NELL1: variants seen among roughly 807,000 people sequenced by gnomAD.
NELL1 encodes the protein neural EGFL like 1, also known as protein kinase C-binding protein NELL1.
In NELL1, 76 loss-of-function variants were observed where a neutral mutation model predicts 107.4. That is an observed-to-expected ratio of 0.71 (90% CI 0.59 to 0.86). The LOEUF (loss-of-function observed/expected upper bound fraction) is 0.86, where lower values mean the gene tolerates loss of function less well. Among genes scored for constraint, NELL1 ranks in the 40% least tolerant of loss-of-function variants. NELL1 has a pLI of 0.00. For synonymous variants in NELL1, 353 were observed against 341.2 expected (o/e 1.03, Z -0.38); for missense variants, 1,024 against 1,005.5 (o/e 1.02, Z -0.25).
At chr11:21,099,192 A>AACAC (rs59848133) in intron 12 of NELL1, among the ~76,000 whole-genome samples, 698 of 141,942 alleles carry the variant, frequency 4.9e-3, no homozygotes, top group Non-Finnish European at 6.4e-3. Flanking sequence ...GACACTGAAC[A>AACAC]ACACACACAC....
intron 12 of NELL1, among the ~76,000 whole-genome samples, chr11:21,035,553 T>C (rs1435136106): frequency 6.6e-6 from 1 of 151,866 alleles, no homozygotes; most frequent in Non-Finnish European, 1.5e-5. Context: ...AGTAGGCTTT[T>C]TCCCTCGAAC....
intron 14 of NELL1, among the ~76,000 whole-genome samples, chr11:21,232,083 G>A (rs1232108342): frequency 6.7e-6 from 1 of 149,944 alleles, no homozygotes; most frequent in Non-Finnish European, 1.5e-5. Context: ...TGGATCACCT[G>A]AGGGTCAGGA....
intron 13 of NELL1, among the ~76,000 whole-genome samples, chr11:21,205,507 C>T (rs1263843258): frequency 6.6e-6 from 1 of 152,176 alleles, no homozygotes; most frequent in East Asian, 1.9e-4. Context: ...CTTCAGACCG[C>T]CGTGCTGGCA....
chr11:20,670,710 A>T (rs976228618), intron 1 of NELL1: 5 of 152,252 alleles, frequency 3.3e-5, no homozygotes, highest in African/African-American at 9.6e-5. Context: ...GAGATGTAGG[A>T]AATTGGCAAA....
chr11:21,565,353 A>G (rs1314002045), intron 17 of NELL1, among the ~76,000 whole-genome samples: 1 of 151,866 alleles, frequency 6.6e-6, no homozygotes, highest in Non-Finnish European at 1.5e-5. Context: ...TTGACCTTGC[A>G]GGAGCTTGAA....
chr11:20,693,986 T>C (rs1854545624), intron 2 of NELL1, among the ~76,000 whole-genome samples: 1 of 152,082 alleles, frequency 6.6e-6, no homozygotes, highest in Admixed American at 6.6e-5. Context: ...TGTTCGTTTC[T>C]TTTTATTCTT....
chr11:21,311,522 C>A (rs533293833), intron 14 of NELL1, among the ~76,000 whole-genome samples: 4 of 152,082 alleles, frequency 2.6e-5, no homozygotes, highest in African/African-American at 9.7e-5. Flanking sequence ...ATATTAACAA[C>A]CTGCCACTGT....
At chr11:21,296,379 T>C (rs1429149009) in intron 14 of NELL1, among the ~76,000 whole-genome samples, 1 of 151,978 alleles carries the variant, frequency 6.6e-6, no homozygotes, top group Non-Finnish European at 1.5e-5. Context: ...AAATATTGAA[T>C]GTCATTGTTT....
At chr11:21,306,532 A>G (rs1056742723) in intron 14 of NELL1, among the ~76,000 whole-genome samples, 3 of 152,060 alleles carry the variant, frequency 2.0e-5, no homozygotes, top group African/African-American at 4.8e-5. Flanking sequence ...TAATTGCAGT[A>G]TGTCGATGTT....
At chr11:20,765,579 G>C (rs577009164) in intron 2 of NELL1, among the ~76,000 whole-genome samples, 41 of 152,280 alleles carry the variant, frequency 2.7e-4, no homozygotes, top group African/African-American at 9.4e-4. Flanking sequence ...AGGTAACCAG[G>C]TATGGAGTGG....
At chr11:21,120,625 T>C (rs959469046) in intron 13 of NELL1, among the ~76,000 whole-genome samples, 20 of 152,128 alleles carry the variant, frequency 1.3e-4, no homozygotes, top group African/African-American at 4.8e-4. Flanking sequence ...GATACATTTA[T>C]AAGAATGAAA....
chr11:20,956,376 G>A (rs2134209060), intron 11 of NELL1, among the ~76,000 whole-genome samples: 1 of 151,886 alleles, frequency 6.6e-6, no homozygotes, highest in East Asian at 2.0e-4. Flanking sequence ...GCTGGGTGCG[G>A]TGGCTCACGC....
chr11:20,782,813 C>G (rs572545924), intron 2 of NELL1, among the ~76,000 whole-genome samples: 3 of 152,086 alleles, frequency 2.0e-5, no homozygotes, highest in Non-Finnish European at 4.4e-5. Flanking sequence ...CTTTCTGATG[C>G]CAGAAAAATG....
At chr11:21,564,455 A>G (rs1012489883) in intron 17 of NELL1, among the ~76,000 whole-genome samples, 1 of 151,946 alleles carries the variant, frequency 6.6e-6, no homozygotes, top group Non-Finnish European at 1.5e-5. Context: ...GTGCCATTAC[A>G]TAAGAGTAAG....
chr11:21,319,285 C>T (rs554902460), intron 14 of NELL1, among the ~76,000 whole-genome samples: 2 of 151,778 alleles, frequency 1.3e-5, no homozygotes, highest in South Asian at 2.1e-4. Flanking sequence ...AAACAATTTG[C>T]GTGCCTCAGC....
chr11:20,732,660 G>A (rs1268771558), intron 2 of NELL1, among the ~76,000 whole-genome samples: 1 of 152,152 alleles, frequency 6.6e-6, no homozygotes, highest in Non-Finnish European at 1.5e-5. Flanking sequence ...ATATGAGGCA[G>A]CAGGGGATAT....
At chr11:21,443,010 A>G (rs1176597657) in intron 15 of NELL1, among the ~76,000 whole-genome samples, 2 of 111,420 alleles carry the variant, frequency 1.8e-5, no homozygotes, top group African/African-American at 6.8e-5. Context: ...TTTTGCTGCT[A>G]TAACAGAATA....
At chr11:20,980,861 T>G (rs1851735869) in intron 12 of NELL1, among the ~76,000 whole-genome samples, 2 of 152,168 alleles carry the variant, frequency 1.3e-5, no homozygotes, top group African/African-American at 4.8e-5. Context: ...CCATGGGACT[T>G]GTAGTTCTGG....
chr11:21,205,466 C>T (rs1247343633), intron 13 of NELL1, among the ~76,000 whole-genome samples: 1 of 152,154 alleles, frequency 6.6e-6, no homozygotes, highest in Non-Finnish European at 1.5e-5. Context: ...AGACGGCATT[C>T]CCCCCACCAA....
Sources: allele counts gnomAD v4.1 joint callset (sites outside exome capture counted in the v4.1 genomes callset), GRCh38; gene constraint gnomAD v4.1.1; transcripts MANE v1.5; gene names NCBI Gene and HGNC (gene_info 2026-07-23, HGNC 2026-07-21).